The following NLGN1 variants were observed in gnomAD, a reference collection of about 807,000 sequenced individuals.
NLGN1 encodes neuroligin 1.
In NLGN1, 12 loss-of-function variants were observed where a neutral mutation model predicts 65.5. The observed-to-expected ratio is 0.18, with a 90% CI of 0.12 to 0.30. The LOEUF is 0.30. Ranked by LOEUF, NLGN1 falls within the 10% of genes least tolerant of loss-of-function variation. NLGN1 has a pLI of 1.00. For missense variants in NLGN1, 750 were observed against 1,007.1 expected (o/e 0.74, Z 3.46); for synonymous variants, 350 against 359.5 (o/e 0.97, Z 0.30).
intron 4 of NLGN1, among the ~76,000 whole-genome samples, chr3:174,080,883 C>T (rs1328141534): frequency 6.6e-6 from 1 of 150,694 alleles, no homozygotes; most frequent in African/African-American, 2.5e-5. Flanking sequence ...TAACAACTGC[C>T]TAACCATCAT....
At chr3:173,702,369 C>T (rs1457684354) in intron 3 of NLGN1, among the ~76,000 whole-genome samples, 1 of 151,938 alleles carries the variant, frequency 6.6e-6, no homozygotes, top group African/African-American at 2.4e-5. Context: ...TGCTAAGTTA[C>T]AGACTAGGCG....
chr3:173,872,037 G>C (rs1021303), intron 4 of NLGN1, among the ~76,000 whole-genome samples: 4 of 151,950 alleles, frequency 2.6e-5, no homozygotes, highest in Admixed American at 1.3e-4. Context: ...CACCGTGAGG[G>C]GGGGAGTCAG....
rs959897089 is a variant in NLGN1 at position 173,503,258 on chromosome 3, G to T, written c.-321+68180G>T. On this transcript the variant is annotated intron_variant, in intron 2 of 6. Coordinates refer to ENST00000457714, the Ensembl canonical transcript of NLGN1. ...AAATATATAAGAATTCTGCAATATG[G>T]AAATGAAACAAACCTTCTAGCAAAT... 8.4e-4 allele frequency among the ~76,000 whole-genome samples: 128 copies of T among 152,026 alleles called. 1 individual carries two copies. Among genetic ancestry groups the T allele is most frequent in the Middle Eastern group, 3.2e-3 (1 of 316 alleles).
chr3:173,859,082 C>T (rs1270746925), intron 4 of NLGN1, among the ~76,000 whole-genome samples: 4 of 151,536 alleles, frequency 2.6e-5, no homozygotes, highest in African/African-American at 9.7e-5. Flanking sequence ...TTTTTTTGGC[C>T]TCCCTTTGCA....
chr3:174,085,864 C>T (rs1004451696), intron 4 of NLGN1, among the ~76,000 whole-genome samples: 1 of 151,932 alleles, frequency 6.6e-6, no homozygotes, highest in Non-Finnish European at 1.5e-5. Flanking sequence ...CTGGTGCAAA[C>T]ATAATCGCGG....
At chr3:173,447,430 G>A (rs1394869174) in intron 2 of NLGN1, among the ~76,000 whole-genome samples, 2 of 152,156 alleles carry the variant, frequency 1.3e-5, no homozygotes, top group Non-Finnish European at 2.9e-5. Context: ...CTATATCTCT[G>A]TTTTGGTACC....
chr3:174,289,130 G>C (rs1752449035), downstream of NLGN1, among the ~76,000 whole-genome samples: 3 of 151,332 alleles, frequency 2.0e-5, no homozygotes, highest in African/African-American at 4.8e-5. Flanking sequence ...TAAATCTCCA[G>C]AATAATAGTA....
At chr3:174,173,876 A>G (rs980831708) in intron 4 of NLGN1, among the ~76,000 whole-genome samples, 1 of 151,968 alleles carries the variant, frequency 6.6e-6, no homozygotes, top group East Asian at 1.9e-4. Flanking sequence ...GTTTGGTTAC[A>G]TGAGTAAGTT....
At chr3:173,756,904 C>G (rs777184967) in intron 3 of NLGN1, among the ~76,000 whole-genome samples, 2 of 151,512 alleles carry the variant, frequency 1.3e-5, no homozygotes, top group Admixed American at 6.6e-5. Context: ...GATGTTTATA[C>G]AAACACTTCA....
chr3:173,729,949 T>G (rs1772497576), intron 3 of NLGN1, among the ~76,000 whole-genome samples: 2 of 152,024 alleles, frequency 1.3e-5, no homozygotes, highest in African/African-American at 4.8e-5. Flanking sequence ...TTAAAGTTTC[T>G]GAATAGGTCA....
chr3:173,858,833 A>C (rs1199946485), intron 4 of NLGN1, among the ~76,000 whole-genome samples: 1 of 152,086 alleles, frequency 6.6e-6, no homozygotes, highest in Non-Finnish European at 1.5e-5. Flanking sequence ...ACATTCCTGC[A>C]AAATACTTCT....
At chr3:174,036,729 T>C (rs1210573072) in intron 4 of NLGN1, among the ~76,000 whole-genome samples, 1 of 152,008 alleles carries the variant, frequency 6.6e-6, no homozygotes. Flanking sequence ...CCATTAGTTA[T>C]TTTTTCAGAT....
chr3:173,966,495 C>T (rs1560739972), intron 4 of NLGN1, among the ~76,000 whole-genome samples: 1 of 152,166 alleles, frequency 6.6e-6, no homozygotes, highest in Non-Finnish European at 1.5e-5. Flanking sequence ...ATTTGTGCCA[C>T]CTATTTTTTA....
chr3:173,842,823 A>C (rs867984571), intron 4 of NLGN1, among the ~76,000 whole-genome samples: 2 of 152,080 alleles, frequency 1.3e-5, no homozygotes. Context: ...TGGATCTACT[A>C]TTCTGGAGTC....
At chr3:173,705,313 G>T (rs1193930302) in intron 3 of NLGN1, among the ~76,000 whole-genome samples, 1 of 152,098 alleles carries the variant, frequency 6.6e-6, no homozygotes, top group East Asian at 1.9e-4. Context: ...AAAGAAATAG[G>T]TCATTGTAAA....
intron 3 of NLGN1, among the ~76,000 whole-genome samples, chr3:173,697,777 G>A (rs555012755): frequency 2.6e-5 from 4 of 152,176 alleles, no homozygotes; most frequent in South Asian, 2.1e-4. Flanking sequence ...TGATCCACCC[G>A]CCTCGGCCTC....
chr3:174,003,485 A>G (rs989696376), intron 4 of NLGN1, among the ~76,000 whole-genome samples: 1 of 152,178 alleles, frequency 6.6e-6, no homozygotes, highest in African/African-American at 2.4e-5. Context: ...TTTGTAAATT[A>G]TGGAGTCAAG....
chr3:173,643,341 C>A (rs573243599), intron 3 of NLGN1, among the ~76,000 whole-genome samples: 1 of 152,202 alleles, frequency 6.6e-6, no homozygotes, highest in African/African-American at 2.4e-5. Context: ...GAGCCCCAAT[C>A]ACAAGAAACA....
chr3:173,983,429 A>T (rs958319978), intron 4 of NLGN1, among the ~76,000 whole-genome samples: 1 of 152,186 alleles, frequency 6.6e-6, no homozygotes, highest in South Asian at 2.1e-4. Context: ...CACCCAAAGG[A>T]TTAGTGCAGA....
Sources: allele counts gnomAD v4.1 joint callset (sites outside exome capture counted in the v4.1 genomes callset), GRCh38; gene constraint gnomAD v4.1.1; transcripts MANE v1.5; gene names NCBI Gene and HGNC (gene_info 2026-07-23, HGNC 2026-07-21).